The following FRYL variants were observed in gnomAD, a reference collection of about 807,000 sequenced individuals.
FRYL encodes the protein FRY like transcription coactivator.
FRYL carries 150 observed loss-of-function variants against 351.2 expected under a neutral mutation model. The observed-to-expected ratio is 0.43, with a 90% CI of 0.37 to 0.49. The LOEUF (loss-of-function observed/expected upper bound fraction) is 0.49, where lower values mean the gene tolerates loss of function less well. Among genes scored for constraint, FRYL ranks in the 20% least tolerant of loss-of-function variants. The pLI, the probability that FRYL is intolerant of heterozygous loss-of-function variation, is 0.00. For missense variants in FRYL, 3,036 were observed against 3,619.3 expected, an observed-to-expected ratio of 0.84 and a Z score of 4.13; for synonymous variants, 1,153 against 1,257.1, an observed-to-expected ratio of 0.92 and a Z score of 1.75.
At chr4:48,656,740 A>ATATT (rs995924087) in intron 3 of FRYL, among the ~76,000 whole-genome samples, 7 of 148,918 alleles carry the variant, frequency 4.7e-5, no homozygotes, top group South Asian at 4.2e-4. Flanking sequence ...ATATATATAT[A>ATATT]TATTTATTTA....
At position 48,718,044 on chromosome 4, in the gene FRYL, C is replaced by G. The variant is rs187684583; in HGVS notation, c.-383-7346G>C. On this transcript the variant is annotated intron_variant, in intron 1 of 63. Transcript: ENST00000358350. ...ACCAGATTACTGGCAATCCTAAAACCGTAGACAAGCAACAAGTTCTGAGCT... is the reference window on the plus strand; with the variant it reads ...ACCAGATTACTGGCAATCCTAAAACGGTAGACAAGCAACAAGTTCTGAGCT... Among the ~76,000 whole-genome samples the G allele has an allele frequency of 2.0e-4, 31 of 151,708 alleles. 1 individual carries two copies. The highest frequency in any genetic ancestry group is 1.5e-3 in the Admixed American group (23 of 15,116).
chr4:48,605,096 T>C (rs1746495128), intron 11 of FRYL, among the ~76,000 whole-genome samples: 1 of 152,184 alleles, frequency 6.6e-6, no homozygotes, highest in East Asian at 1.9e-4. Context: ...GCCCAATTCA[T>C]ATGGCTAAAA....
intron 55 of FRYL, among the ~76,000 whole-genome samples, chr4:48,517,508 CT>C (rs1323300392): frequency 6.6e-6 from 1 of 152,138 alleles, no homozygotes; most frequent in Non-Finnish European, 1.5e-5. Flanking sequence ...ATCAAATTTT[CT>C]TGTACTTCAC....
At chr4:48,550,792 G>A in intron 37 of FRYL, 88 bp from the exon 38 acceptor site, 1 of 993,468 alleles carries the variant, frequency 1.0e-6, no homozygotes, top group African/African-American at 1.6e-5. Flanking sequence ...TAAAAAAGGA[G>A]GACGGACGCC....
chr4:48,651,442 G>A (rs970924801), intron 3 of FRYL, among the ~76,000 whole-genome samples: 28 of 151,798 alleles, frequency 1.8e-4, no homozygotes, highest in African/African-American at 6.3e-4. Flanking sequence ...AAAGTACTAG[G>A]ACTACCAACG....
At chr4:48,630,511 A>G (rs1207274560) in intron 4 of FRYL, among the ~76,000 whole-genome samples, 1 of 152,206 alleles carries the variant, frequency 6.6e-6, no homozygotes, top group African/African-American at 2.4e-5. Flanking sequence ...CCAGCAATCT[A>G]AAAGATTAAC....
intron 1 of FRYL, among the ~76,000 whole-genome samples, chr4:48,736,782 G>A (rs1771459990): frequency 6.9e-6 from 1 of 144,934 alleles, no homozygotes; most frequent in Admixed American, 7.3e-5. Context: ...CCTAGGAGGC[G>A]GAGGTTGCAG....
In FRYL at chr4:48,518,856, C is replaced by T. The variant is rs111645964; in HGVS notation, c.7689+2192G>A. 6.1e-3 allele frequency among the ~76,000 whole-genome samples: 926 copies of T among 152,316 alleles called. 7 individuals are homozygous for T. The highest frequency in any genetic ancestry group is 9.0e-3 in the Non-Finnish European group (609 of 68,020). ...TGAATAAGATGAGACATATTATTTACATTTTGTTTTACCTGCTTATTATCT... is the reference window on the plus strand; with the variant it reads ...TGAATAAGATGAGACATATTATTTATATTTTGTTTTACCTGCTTATTATCT... On this transcript the variant is annotated intron_variant, in intron 55 of 63. Coordinates refer to ENST00000358350, the MANE Select transcript of FRYL (RefSeq NM_015030.2).
chr4:48,615,183 T>C (rs1749173663), intron 7 of FRYL, among the ~76,000 whole-genome samples: 1 of 152,146 alleles, frequency 6.6e-6, no homozygotes, highest in African/African-American at 2.4e-5. Context: ...CTTAAGATAG[T>C]GTGAAGTTGG....
In FRYL at chr4:48,544,788, C is replaced by T. The variant is rs755127352; in HGVS notation, c.5396G>A (p.Ser1799Asn). Residue 1799 changes from serine to asparagine, a missense_variant, in exon 43 of 64, where the codon AGC (serine) becomes AAC (asparagine). Around this residue, in one of 7 missense-constraint regions of FRYL, gnomAD observed 1,987 missense variants for 2,311.7 expected, o/e 0.86. Coordinates refer to ENST00000358350, the MANE Select transcript of FRYL (RefSeq NM_015030.2). ...AAATATTTCTTAAAAGATACCTGAGCTTGACTGCTTAAAAACAGAAACCAC... is the reference window on the plus strand; with the variant it reads ...AAATATTTCTTAAAAGATACCTGAGTTTGACTGCTTAAAAACAGAAACCAC... ...KHVVSVFKQS[S>N]SEGIHLEHHL... The T allele has an allele frequency of 6.3e-7, 1 of 1,593,234 alleles. No individual in the cohort carries two copies. Among genetic ancestry groups the T allele is most frequent in the Non-Finnish European group, 8.5e-7 (1 of 1,173,028 alleles).
chr4:48,511,631 C>G (rs898808602), intron 57 of FRYL, among the ~76,000 whole-genome samples: 5 of 152,130 alleles, frequency 3.3e-5, no homozygotes, highest in African/African-American at 1.2e-4. Flanking sequence ...TTTCAGCCAT[C>G]ATGAAACTTA....
In FRYL at chr4:48,576,022, A is replaced by C; in HGVS notation, c.2721+8T>G. On this transcript the variant is annotated splice_region_variant and intron_variant, in intron 24 of 63. Coordinates refer to ENST00000358350, the MANE Select transcript of FRYL (RefSeq NM_015030.2). ...TCATATATCCAACAGTGGATCTGAG[A>C]AACTTACTTTAGAATCAATGCTATA... is the stretch of plus-strand genomic sequence containing the variant. The C allele has an allele frequency of 6.4e-7, 1 of 1,565,364 alleles. No individual in the cohort carries two copies. Among genetic ancestry groups the C allele is most frequent in the Non-Finnish European group, 8.6e-7 (1 of 1,158,604 alleles).
chr4:48,639,977 T>A (rs552026936), intron 3 of FRYL, among the ~76,000 whole-genome samples: 60 of 152,264 alleles, frequency 3.9e-4, no homozygotes, highest in African/African-American at 1.3e-3. Context: ...ACATGCTGAT[T>A]AGAATGACTA....
chr4:48,688,035 C>T (rs1578727520), intron 2 of FRYL, among the ~76,000 whole-genome samples: 2 of 152,096 alleles, frequency 1.3e-5, no homozygotes, highest in East Asian at 3.8e-4. Context: ...TGGTAAATTA[C>T]CTCAAAGATC....
At chr4:48,742,572 C>G (rs1176959794) in intron 1 of FRYL, among the ~76,000 whole-genome samples, 1 of 152,036 alleles carries the variant, frequency 6.6e-6, no homozygotes, top group Non-Finnish European at 1.5e-5. Context: ...TCAGTTATTC[C>G]CTACTGTAAC....
chr4:48,601,248 T>A (rs1745638526), intron 13 of FRYL, among the ~76,000 whole-genome samples: 1 of 152,230 alleles, frequency 6.6e-6, no homozygotes, highest in Non-Finnish European at 1.5e-5. Flanking sequence ...ATGTCATGTC[T>A]GCAATATTTC....
At chr4:48,600,942 C>T (rs978835358) in intron 13 of FRYL, among the ~76,000 whole-genome samples, 3 of 152,040 alleles carry the variant, frequency 2.0e-5, no homozygotes, top group Non-Finnish European at 2.9e-5. Flanking sequence ...GTAATATCAA[C>T]GTTTATCTAG....
chr4:48,645,609 G>T (rs1756314146), intron 3 of FRYL, among the ~76,000 whole-genome samples: 1 of 152,050 alleles, frequency 6.6e-6, no homozygotes, highest in Non-Finnish European at 1.5e-5. Context: ...GCCATCTCTG[G>T]CCATACCTTA....
At chr4:48,552,705 A>G (rs1299654472) in intron 36 of FRYL, among the ~76,000 whole-genome samples, 2 of 152,190 alleles carry the variant, frequency 1.3e-5, no homozygotes, top group African/African-American at 2.4e-5. Flanking sequence ...ATTATTAGAC[A>G]TCTCCTGGAA....
Sources: allele counts gnomAD v4.1 joint callset (sites outside exome capture counted in the v4.1 genomes callset), GRCh38; gene constraint gnomAD v4.1.1; regional missense constraint gnomAD v4.1.1; transcripts MANE v1.5; gene names NCBI Gene and HGNC (gene_info 2026-07-23, HGNC 2026-07-21).